The following PALLD variants were observed in gnomAD, a reference collection of about 807,000 sequenced individuals.
PALLD encodes palladin.
A neutral mutation model predicts 123.5 loss-of-function variants in PALLD; 61 were observed. The observed-to-expected ratio is 0.49, with a 90% confidence interval of 0.40 to 0.61. PALLD has a LOEUF of 0.61. PALLD is among the 20% of genes least tolerant of loss of function. The pLI is 0.00. For missense variants in PALLD, 1,273 were observed against 1,377.0 expected (o/e 0.92, Z 1.20); for synonymous variants, 465 against 496.4 (o/e 0.94, Z 0.84).
At position 168,690,736 on chromosome 4, in the gene PALLD, T is replaced by C; in HGVS notation, c.1469T>C (p.Leu490Pro). 6.2e-7 allele frequency: 1 copy of C among 1,614,142 alleles called. No homozygotes were observed. The highest frequency in any genetic ancestry group is 8.5e-7 in the Non-Finnish European group (1 of 1,180,026). Residue 490 changes from leucine to proline, a missense_variant, in exon 7 of 22, where the codon CTA becomes CCA. By Grantham distance (98) the Leu-to-Pro change is moderately conservative. Around this residue, in one of 2 missense-constraint regions of PALLD, gnomAD observed 944 missense variants for 954.5 expected, o/e 0.99. Coordinates refer to ENST00000505667, the MANE Select transcript of PALLD (RefSeq NM_001166108.2). ...CAAGACTCTCCAGATTTCCGAATTC[T>C]ACAGAAAAGTAAGGAGAAGTGCCCA... ...EIQDSPDFRI[L>P]QKKPRSTAEP...
chr4:168,800,605 AC>A, intron 10 of PALLD, among the ~76,000 whole-genome samples: 1 of 152,334 alleles, frequency 6.6e-6, no homozygotes, highest in South Asian at 2.1e-4. Flanking sequence ...GCCTGATAAT[AC>A]CAAGTTCTGG....
intron 10 of PALLD, among the ~76,000 whole-genome samples, chr4:168,792,640 T>G (rs1737698960): frequency 6.6e-6 from 1 of 152,052 alleles, no homozygotes; most frequent in Non-Finnish European, 1.5e-5. Flanking sequence ...GCCTGGGAAC[T>G]CTAGGGACAA....
intron 10 of PALLD, among the ~76,000 whole-genome samples, chr4:168,880,419 A>G (rs1752451464): frequency 6.6e-6 from 1 of 152,198 alleles, no homozygotes; most frequent in South Asian, 2.1e-4. Flanking sequence ...TTTTAGCTCC[A>G]TGCCTGCTCA....
chr4:168,594,475 T>A (rs1771782569), intron 2 of PALLD, among the ~76,000 whole-genome samples: 1 of 152,058 alleles, frequency 6.6e-6, no homozygotes. Context: ...ACTTAACAAA[T>A]CAAATGTTTG....
chr4:168,793,177 A>G (rs1737814993), intron 10 of PALLD, among the ~76,000 whole-genome samples: 2 of 127,182 alleles, frequency 1.6e-5, no homozygotes, highest in Admixed American at 8.5e-5. Flanking sequence ...ATATGTGTGC[A>G]TATATATACA....
chr4:168,631,893 C>A, intron 2 of PALLD: 1 of 985,450 alleles, frequency 1.0e-6, no homozygotes, highest in Non-Finnish European at 1.2e-6. Context: ...GCGTTTTGCG[C>A]CCAACTGGTA....
intron 2 of PALLD, among the ~76,000 whole-genome samples, chr4:168,656,793 A>G (rs960635361): frequency 6.6e-6 from 1 of 152,254 alleles, no homozygotes; most frequent in Admixed American, 6.5e-5. Context: ...ATTAACGGTC[A>G]AGGATACGTG....
chr4:168,925,066 C>T lies in PALLD; in HGVS notation c.3346C>T (p.Leu1116=), dbSNP rs757758340. 1.2e-6 allele frequency: 2 copies of T among 1,614,060 alleles called. No individual in the cohort carries two copies. Among genetic ancestry groups the T allele is most frequent in the South Asian group, 2.2e-5 (2 of 91,084 alleles). The change falls in exon 20 of 22, where the codon CTG becomes TTG. Residue 1116 remains leucine (L), a synonymous_variant. Coordinates refer to ENST00000505667, the MANE Select transcript of PALLD (RefSeq NM_001166108.2). The part of the protein sequence containing the change: ...EAGIVSCTAR[L]DVYISRH ...AGGGATTGTGTCCTGTACTGCCAGG[C>T]TGGACGTTTACAGTGAGTGCCACTT...
chr4:168,779,699 AT>A (rs1735629843), intron 10 of PALLD, among the ~76,000 whole-genome samples: 1 of 152,158 alleles, frequency 6.6e-6, no homozygotes, highest in Non-Finnish European at 1.5e-5. Context: ...GACTACAATT[AT>A]ATAAAAGTTG....
At chr4:168,766,272 T>A (rs1733649408) in intron 10 of PALLD, among the ~76,000 whole-genome samples, 1 of 152,240 alleles carries the variant, frequency 6.6e-6, no homozygotes, top group Non-Finnish European at 1.5e-5. Flanking sequence ...GTTCCTAGAC[T>A]TCTGGGCAGC....
intron 3 of PALLD, among the ~76,000 whole-genome samples, chr4:168,673,332 C>T (rs977918918): frequency 2.0e-5 from 3 of 152,168 alleles, no homozygotes; most frequent in Non-Finnish European, 4.4e-5. Flanking sequence ...ATTTGGTCTC[C>T]GATAGGAGCC....
intron 10 of PALLD, among the ~76,000 whole-genome samples, chr4:168,726,313 C>T (rs1470251651): frequency 6.6e-6 from 1 of 152,176 alleles, no homozygotes; most frequent in Non-Finnish European, 1.5e-5. Context: ...ACGCTGAGGA[C>T]CCCATTTTCA....
intron 2 of PALLD, among the ~76,000 whole-genome samples, chr4:168,515,325 G>T (rs1762891178): frequency 6.6e-6 from 1 of 152,186 alleles, no homozygotes. Flanking sequence ...AAGATTTCCT[G>T]CAATGGGGCA....
At chr4:168,635,428 G>A (rs1776244964) in intron 2 of PALLD, among the ~76,000 whole-genome samples, 1 of 152,294 alleles carries the variant, frequency 6.6e-6, no homozygotes, top group East Asian at 1.9e-4. Flanking sequence ...ACCACAAACT[G>A]GCACAGTAAA....
intron 2 of PALLD, among the ~76,000 whole-genome samples, chr4:168,635,526 C>A (rs1776254267): frequency 6.6e-6 from 1 of 152,224 alleles, no homozygotes; most frequent in Non-Finnish European, 1.5e-5. Flanking sequence ...GGCTCAGGTT[C>A]ATCCTATTTC....
chr4:168,596,720 T>C (rs1422012643), intron 2 of PALLD, among the ~76,000 whole-genome samples: 1 of 124,458 alleles, frequency 8.0e-6, no homozygotes, highest in Non-Finnish European at 1.6e-5. Flanking sequence ...CTTGGCCTTG[T>C]TAAAAAAAAA....
intron 10 of PALLD, among the ~76,000 whole-genome samples, chr4:168,820,345 C>T (rs1254211508): frequency 1.3e-5 from 2 of 152,204 alleles, no homozygotes; most frequent in African/African-American, 4.8e-5. Flanking sequence ...GGTTAAATAA[C>T]TTCCCCAAAG....
At chr4:168,789,974 G>C (rs1395190267) in intron 10 of PALLD, among the ~76,000 whole-genome samples, 1 of 151,818 alleles carries the variant, frequency 6.6e-6, no homozygotes, top group African/African-American at 2.4e-5. Flanking sequence ...AAATTTAAAC[G>C]GTATCTTCCT....
intron 1 of PALLD, among the ~76,000 whole-genome samples, chr4:168,500,301 T>C (rs1038399613): frequency 6.6e-6 from 1 of 152,190 alleles, no homozygotes; most frequent in Admixed American, 6.5e-5. Context: ...AAATCTGTTG[T>C]AATTTCAACA....
Sources: allele counts gnomAD v4.1 joint callset (sites outside exome capture counted in the v4.1 genomes callset), GRCh38; gene constraint gnomAD v4.1.1; regional missense constraint gnomAD v4.1.1; transcripts MANE v1.5; gene names NCBI Gene and HGNC (gene_info 2026-07-23, HGNC 2026-07-21).